The following MICAL2 variants were observed in gnomAD, a reference collection of about 807,000 sequenced individuals.
MICAL2 encodes the protein [F-actin]-monooxygenase MICAL2.
Under a neutral mutation model 127.3 loss-of-function variants are expected in MICAL2, and 77 were observed. That is an observed-to-expected ratio of 0.60 (90% CI 0.50 to 0.73). The LOEUF (loss-of-function observed/expected upper bound fraction) is 0.73, where lower values mean the gene tolerates loss of function less well. MICAL2 is among the 30% of genes least tolerant of loss of function. MICAL2 has a pLI of 0.00. For missense variants in MICAL2, 1,351 were observed against 1,434.4 expected, an observed-to-expected ratio of 0.94 and a Z score of 0.94; for synonymous variants, 570 against 551.1, an observed-to-expected ratio of 1.03 and a Z score of -0.48.
chr11:12,250,713 G>A (rs10831772), intron 22 of MICAL2, among the ~76,000 whole-genome samples: 12,661 of 152,148 alleles, frequency 0.083, 781 homozygotes, highest in East Asian at 0.33. Context: ...CAGTCCCATG[G>A]GACTTTGAAA....
chr11:12,179,567 T>G (rs1857202470), intron 3 of MICAL2, among the ~76,000 whole-genome samples: 1 of 152,156 alleles, frequency 6.6e-6, no homozygotes, highest in Non-Finnish European at 1.5e-5. Context: ...TGCCTGCCTG[T>G]CCTCCCGATC....
At chr11:12,289,568 T>G (rs572586451), downstream of MICAL2, among the ~76,000 whole-genome samples, 20 of 146,434 alleles carry the variant, frequency 1.4e-4, no homozygotes, top group African/African-American at 1.7e-4. Context: ...TTTTTTTTGT[T>G]TTTTTTTTTT....
chr11:12,223,296 C>G, intron 11 of MICAL2, 115 bp from the exon 12 acceptor site: 1 of 881,280 alleles, frequency 1.1e-6, no homozygotes, highest in Non-Finnish European at 1.8e-6. Flanking sequence ...TCATGCCTCC[C>G]AGCAGTAGAG....
At chr11:12,220,168 G>C (rs745456847) in intron 8 of MICAL2, 33 bp from the exon 9 acceptor site, 1 of 1,612,298 alleles carries the variant, frequency 6.2e-7, no homozygotes, top group Admixed American at 1.7e-5. Flanking sequence ...TTTAGAGGGG[G>C]AGGTTGCTGC....
intron 3 of MICAL2, among the ~76,000 whole-genome samples, chr11:12,200,343 C>T (rs561429617): frequency 3.9e-5 from 6 of 152,334 alleles, no homozygotes; most frequent in African/African-American, 7.2e-5. Flanking sequence ...AGAGCTCCTT[C>T]GGGTCGAGTT....
At chr11:12,331,963 G>C (rs984395612) in intron 32 of MICAL2, among the ~76,000 whole-genome samples, 6 of 152,102 alleles carry the variant, frequency 3.9e-5, no homozygotes, top group African/African-American at 1.4e-4. Flanking sequence ...CCCTACAAGA[G>C]ATTTAAGCCG....
chr11:12,306,065 T>G (rs1445667569), intron 29 of MICAL2, among the ~76,000 whole-genome samples: 1 of 152,182 alleles, frequency 6.6e-6, no homozygotes, highest in Non-Finnish European at 1.5e-5. Flanking sequence ...TCATTTTTCT[T>G]GCTTATAATA....
intron 3 of MICAL2, among the ~76,000 whole-genome samples, chr11:12,187,863 C>T (rs963475349): frequency 1.3e-5 from 2 of 150,672 alleles, no homozygotes; most frequent in Non-Finnish European, 3.0e-5. Flanking sequence ...GTCTTTTGCC[C>T]TTGTTCCCTG....
At chr11:12,295,041 T>C (rs1371289999), downstream of MICAL2, among the ~76,000 whole-genome samples, 2 of 152,172 alleles carry the variant, frequency 1.3e-5, no homozygotes, top group Non-Finnish European at 2.9e-5. Flanking sequence ...TTATAGAAAG[T>C]TGAAAAGAGA....
At chr11:12,296,128 C>T (rs1041492408), downstream of MICAL2, among the ~76,000 whole-genome samples, 5 of 152,012 alleles carry the variant, frequency 3.3e-5, no homozygotes, top group Admixed American at 1.3e-4. Flanking sequence ...AAGTTTTAGT[C>T]TATTCCCTTA....
intron 3 of MICAL2, among the ~76,000 whole-genome samples, chr11:12,180,349 A>ATATATATT (rs11403732): frequency 7.2e-6 from 1 of 139,682 alleles, no homozygotes; most frequent in East Asian, 2.0e-4. Flanking sequence ...ATATGTATAT[A>ATATATATT]TTTTTTTTTT....
intron 21 of MICAL2, among the ~76,000 whole-genome samples, chr11:12,244,974 G>C (rs1166762225): frequency 1.3e-5 from 2 of 152,198 alleles, no homozygotes; most frequent in Admixed American, 1.3e-4. Flanking sequence ...AGAAGAGTGG[G>C]GAGCTAACTT....
intron 33 of MICAL2, among the ~76,000 whole-genome samples, chr11:12,352,959 A>G (rs12420442): frequency 0.48 from 72,442 of 151,634 alleles, 17,920 homozygotes; most frequent in Non-Finnish European, 0.56. Flanking sequence ...CCCAGTCTGC[A>G]TGACATGGAA....
At chr11:12,262,026 C>T (rs1440833965) in intron 26 of MICAL2, 10 of 1,010,474 alleles carry the variant, frequency 9.9e-6, no homozygotes, top group Non-Finnish European at 1.2e-5. Context: ...CTGTCGTGTA[C>T]AGCCATAAGG....
At chr11:12,197,519 G>T (rs2134072007) in intron 3 of MICAL2, 1 of 152,370 alleles carries the variant, frequency 6.6e-6, no homozygotes, top group East Asian at 1.9e-4. Flanking sequence ...ATGGGACTGT[G>T]TTGACCTGTT....
At chr11:12,336,758 T>C (rs1343327694) in intron 32 of MICAL2, among the ~76,000 whole-genome samples, 1 of 152,164 alleles carries the variant, frequency 6.6e-6, no homozygotes, top group Non-Finnish European at 1.5e-5. Context: ...ATTATGTTTA[T>C]TGATTTTCAT....
At chr11:12,293,901 G>T (rs1416685135), downstream of MICAL2, 1 of 1,611,576 alleles carries the variant, frequency 6.2e-7, no homozygotes, top group Middle Eastern at 1.7e-4. Flanking sequence ...CGGGAAAAAG[G>T]GAGTACTGGA....
chr11:12,169,039 T>C (rs186281429), intron 3 of MICAL2, among the ~76,000 whole-genome samples: 68 of 150,836 alleles, frequency 4.5e-4, no homozygotes, highest in Non-Finnish European at 8.9e-4. Flanking sequence ...CAAGCTAATT[T>C]AAAAAAAAAG....
intron 29 of MICAL2, among the ~76,000 whole-genome samples, chr11:12,302,300 G>T (rs1298132172): frequency 3.3e-5 from 5 of 152,184 alleles, no homozygotes; most frequent in African/African-American, 1.2e-4. Context: ...CTAGGTCATA[G>T]GGTAGGTATG....
Sources: allele counts gnomAD v4.1 joint callset (sites outside exome capture counted in the v4.1 genomes callset), GRCh38; gene constraint gnomAD v4.1.1; transcripts MANE v1.5; gene names NCBI Gene and HGNC (gene_info 2026-07-23, HGNC 2026-07-21).